Variants in YLPM1 observed in about 807,000 individuals in gnomAD.
The protein encoded by YLPM1 is YLP motif-containing protein 1.
Under a neutral mutation model 230.0 loss-of-function variants are expected in YLPM1, and 99 were observed. That is an observed-to-expected ratio of 0.43 (90% confidence interval 0.37 to 0.51). YLPM1 has a LOEUF of 0.51. YLPM1 is among the 20% of genes least tolerant of loss of function. YLPM1 has a pLI of 0.00. For missense variants in YLPM1, 2,592 were observed against 2,707.7 expected, an observed-to-expected ratio of 0.96 and a Z score of 0.95; for synonymous variants, 984 against 942.5, an observed-to-expected ratio of 1.04 and a Z score of -0.81.
chr14:74,816,912 C>G lies in YLPM1; in HGVS notation c.5686-19C>G. On this transcript the variant is annotated intron_variant, in intron 13 of 20. Coordinates refer to ENST00000325680, the MANE Select transcript of YLPM1 (RefSeq NM_019589.3). ...TTCTTTGCTTTTGCTAATTCCATAT[C>G]TCTTTTGGGGGACCTTAGGTAATGG... is the stretch of plus-strand genomic sequence containing the variant. The G allele has an allele frequency of 6.5e-7, 1 of 1,539,250 alleles. No individual in the cohort carries two copies.
rs778766241 is a variant in YLPM1, at chr14:74,764,293, G to A, written c.804G>A (p.Gly268=). 3 of 1,613,762 alleles carry A rather than the reference G, an allele frequency of 1.9e-6. No individual in the cohort carries two copies. Among genetic ancestry groups the A allele is most frequent in the Non-Finnish European group, 1.7e-6 (2 of 1,179,860 alleles). ...TCCAGCAAGAGCCTTTGGAGAGTGG[G>A]GCCAAAAACAAGAGTACTGAACAGC... ...TTVQQEPLES[G]AKNKSTEQQQ... The change falls in exon 1 of 21, where the codon GGG becomes GGA. Residue 268 remains glycine, a synonymous_variant. Coordinates refer to ENST00000325680, the MANE Select transcript of YLPM1 (RefSeq NM_019589.3).
chr14:74,785,015 A>C (rs1396048938), intron 4 of YLPM1, among the ~76,000 whole-genome samples: 5 of 152,166 alleles, frequency 3.3e-5, no homozygotes, highest in African/African-American at 1.2e-4. Context: ...AGCTTAACAA[A>C]TTGCTTTTTT....
chr14:74,788,371 C>G (rs563934175), intron 4 of YLPM1, among the ~76,000 whole-genome samples: 1 of 152,112 alleles, frequency 6.6e-6, no homozygotes, highest in South Asian at 2.1e-4. Context: ...CCACCCGCCT[C>G]GGCCTCTCAA....
At chr14:74,824,183 T>TTCCAGTTC in intron 17 of YLPM1, 73 bp from the exon 18 acceptor site, 1 of 1,461,284 alleles carries the variant, frequency 6.8e-7, no homozygotes, top group South Asian at 1.2e-5. Flanking sequence ...TTTAATGCTT[T>TTCCAGTTC]TCCAGTTCAA....
In YLPM1 at chr14:74,798,015, A is replaced by G. The variant is rs1208816544; in HGVS notation, c.2718A>G (p.Gln906=). Residue 906 remains glutamine, a synonymous_variant, in exon 5 of 21, where the codon CAA becomes CAG. Transcript: ENST00000325680. The part of the protein sequence containing the change: ...AQSNENLSDS[Q]QEPPKSEVSE... ...CAAATGAGAATCTAAGCGACTCTCAACAAGAGCCACCTAAAAGTGAAGTCT... is the reference window on the plus strand; with the variant it reads ...CAAATGAGAATCTAAGCGACTCTCAGCAAGAGCCACCTAAAAGTGAAGTCT... 15 of 1,613,788 alleles carry G rather than the reference A, an allele frequency of 9.3e-6. No individual in the cohort carries two copies. Among genetic ancestry groups the G allele is most frequent in the Non-Finnish European group, 1.3e-5 (15 of 1,179,778 alleles).
intron 12 of YLPM1, 52 bp from the exon 13 acceptor site, chr14:74,816,519 A>G (rs576805468): frequency 6.4e-7 from 1 of 1,565,022 alleles, no homozygotes; most frequent in East Asian, 2.3e-5. Context: ...TGGTGTGAAC[A>G]TTAATTTATT....
chr14:74,822,283 AT>A (rs2091527657), intron 17 of YLPM1, among the ~76,000 whole-genome samples: 1 of 152,130 alleles, frequency 6.6e-6, no homozygotes, highest in Non-Finnish European at 1.5e-5. Flanking sequence ...CTAGAAACTG[AT>A]TACGTGAGAA....
chr14:74,809,522 T>A lies in YLPM1; in HGVS notation c.4664T>A (p.Leu1555Gln). Residue 1555 changes from leucine (L) to glutamine (Q), a missense_variant, in exon 7 of 21, where the codon CTA (leucine) becomes CAA (glutamine). Physicochemically the swap from Leu to Gln is moderately radical, Grantham distance 113. Around this residue, in one of 4 missense-constraint regions of YLPM1, gnomAD observed 403 missense variants for 426.7 expected, o/e 0.94. Transcript: ENST00000325680. ...PIPPPPPPPP[L>Q]PPPPPVIKPQ... ...CCACCACCTCCACCTCCTCCACCTC[T>A]ACCTCCTCCTCCTCCAGTGATAAAG... The A allele has an allele frequency of 6.3e-7, 1 of 1,588,550 alleles. No homozygotes were observed. The highest frequency in any genetic ancestry group is 8.6e-7 in the Non-Finnish European group (1 of 1,166,778).
At position 74,781,347 on chromosome 14, in the gene YLPM1, A is replaced by G. The variant is rs1194406368; in HGVS notation, c.1304A>G (p.Asp435Gly). 1.3e-6 allele frequency: 2 copies of G among 1,564,934 alleles called. No individual in the cohort carries two copies. Among genetic ancestry groups the G allele is most frequent in the African/African-American group, 1.4e-5 (1 of 73,604 alleles). Residue 435 changes from aspartate (D) to glycine (G), a missense_variant, in exon 4 of 21, where the codon GAT (aspartate) becomes GGT (glycine). Around this residue, in one of 4 missense-constraint regions of YLPM1, gnomAD observed 1,862 missense variants for 1,819.8 expected, o/e 1.02. Transcript: ENST00000325680. ...CTTTATTTGTAGACCATGTCTGTAG[A>G]TATGCAGCTGCGGCATTATGAGATG... ...PPPHIQTMSV[D>G]MQLRHYEMQQ...
chr14:74,779,348 G>A (rs959880487), intron 2 of YLPM1, among the ~76,000 whole-genome samples: 4 of 152,038 alleles, frequency 2.6e-5, no homozygotes, highest in African/African-American at 9.7e-5. Context: ...TAGTGACTGG[G>A]CAAATTTGTT....
In YLPM1 at chr14:74,798,531, C is replaced by T. The variant is rs755451645; in HGVS notation, c.3234C>T (p.Ser1078=). 3.4e-5 allele frequency: 55 copies of T among 1,613,670 alleles called. No homozygotes were observed. Among genetic ancestry groups the T allele is most frequent in the Non-Finnish European group, 4.3e-5 (51 of 1,179,868 alleles). The change falls in exon 5 of 21, where the codon AGC becomes AGT. Residue 1078 remains serine, a synonymous_variant. Transcript: ENST00000325680. ...SREKMNRGEG[S]RDRGLVRPGS... ...AGAAGATGAACAGAGGAGAAGGTAGCCGGGACAGAGGGTTGGTGAGGCCTG... is the reference window on the plus strand; with the variant it reads ...AGAAGATGAACAGAGGAGAAGGTAGTCGGGACAGAGGGTTGGTGAGGCCTG...
At chr14:74,776,399 T>C (rs1008583240) in intron 1 of YLPM1, among the ~76,000 whole-genome samples, 3 of 152,202 alleles carry the variant, frequency 2.0e-5, no homozygotes, top group African/African-American at 7.2e-5. Flanking sequence ...TTATTAACAT[T>C]GTACTCATGG....
intron 1 of YLPM1, among the ~76,000 whole-genome samples, chr14:74,773,587 T>C (rs557849450): frequency 6.6e-6 from 1 of 152,292 alleles, no homozygotes; most frequent in Admixed American, 6.5e-5. Flanking sequence ...TGTACTAATT[T>C]TTTTAAAACT....
chr14:74,780,503 G>C lies in YLPM1; in HGVS notation c.1209G>C (p.Gln403His). 1 of 1,614,006 alleles carries C rather than the reference G, an allele frequency of 6.2e-7. No homozygotes were observed. The highest frequency in any genetic ancestry group is 8.5e-7 in the Non-Finnish European group (1 of 1,179,888). ...HQQHRVGFQY[Q>H]GIMQKHTQLQ... ...AGCATCGAGTCGGTTTCCAGTATCA[G>C]GGAATAATGCAGAAGCACACTCAGT... Residue 403 changes from glutamine (Q) to histidine (H), a missense_variant, in exon 3 of 21, where the codon CAG becomes CAC. Transcript: ENST00000325680.
chr14:74,802,519 A>T (rs1250494067), intron 5 of YLPM1, 37 bp from the exon 6 acceptor site: 1 of 1,578,814 alleles, frequency 6.3e-7, no homozygotes, highest in Non-Finnish European at 8.6e-7. Flanking sequence ...TGGAATAAGC[A>T]TGCTTTATGT....
At chr14:74,816,291 A>AGCTGCTTGT in intron 12 of YLPM1, 26 bp downstream of exon 12, 3 of 1,604,392 alleles carry the variant, frequency 1.9e-6, no homozygotes, top group Non-Finnish European at 2.6e-6. Context: ...CTGAAAAATC[A>AGCTGCTTGT]GCTGCTTGTG....
At chr14:74,804,899 A>G (rs2091361832) in intron 6 of YLPM1, among the ~76,000 whole-genome samples, 1 of 152,164 alleles carries the variant, frequency 6.6e-6, no homozygotes, top group Non-Finnish European at 1.5e-5. Flanking sequence ...ATTTACAATA[A>G]TTTATTGAAT....
chr14:74,772,864 G>A (rs2140075509), intron 1 of YLPM1, among the ~76,000 whole-genome samples: 1 of 152,172 alleles, frequency 6.6e-6, no homozygotes, highest in East Asian at 1.9e-4. Flanking sequence ...ACTTCTCTTA[G>A]GGTCAGTAAG....
Position 74,811,444 on chromosome 14 carries a change from C to CTGCATTG in YLPM1, c.5229-170_5229-169insGTGCATT, listed in dbSNP as rs1353418393. ...GCTGCAGTGAGCCGAGATCACGCCACTGCATTCCAGCCTGGTTGACAAAGT... is the reference window on the plus strand; with the variant it reads ...GCTGCAGTGAGCCGAGATCACGCCACTGCATTGTGCATTCCAGCCTGGTTGACAAAGT... On this transcript the variant is annotated intron_variant, in intron 9 of 20. Coordinates refer to ENST00000325680, the MANE Select transcript of YLPM1 (RefSeq NM_019589.3). 1.3e-3 allele frequency among the ~76,000 whole-genome samples: 203 copies of CTGCATTG among 152,140 alleles called. 1 individual carries two copies. The highest frequency in any genetic ancestry group is 9.6e-4 in the Non-Finnish European group (65 of 68,014).
Sources: gnomAD v4.1 joint callset for allele counts (sites outside exome capture counted in the v4.1 genomes callset) on GRCh38, gnomAD v4.1.1 for gene constraint, gnomAD v4.1.1 regional missense constraint, MANE v1.5 for transcripts, NCBI Gene and HGNC (gene_info 2026-07-23, HGNC 2026-07-21) for gene names.